Variants in ABL2 observed in about 807,000 individuals in gnomAD.
ABL2 encodes the protein ABL proto-oncogene 2, non-receptor tyrosine kinase.
In ABL2, 49 loss-of-function variants were observed where a neutral mutation model predicts 107.7. That is an observed-to-expected ratio of 0.45 (90% CI 0.36 to 0.58). ABL2 has a LOEUF of 0.58. Ranked by LOEUF, ABL2 falls within the 20% of genes least tolerant of loss-of-function variation. The pLI, the probability that ABL2 is intolerant of heterozygous loss-of-function variation, is 0.00. For missense variants in ABL2, 1,245 were observed against 1,457.0 expected (o/e 0.85, Z 2.37); for synonymous variants, 549 against 548.6 (o/e 1.00, Z -0.01).
chr1:179,158,462 T>A (rs1209830555), intron 1 of ABL2, among the ~76,000 whole-genome samples: 3 of 152,220 alleles, frequency 2.0e-5, no homozygotes, highest in Non-Finnish European at 2.9e-5. Context: ...GATTTGGAAT[T>A]CTGCCTCCTG....
intron 4 of ABL2, among the ~76,000 whole-genome samples, chr1:179,124,013 G>A (rs1035469944): frequency 3.3e-4 from 50 of 151,982 alleles, no homozygotes; most frequent in Non-Finnish European, 6.8e-4. Context: ...AGGCCAAGGC[G>A]GGTGGATCAC....
At chr1:179,215,074 C>T (rs532549735) in intron 1 of ABL2, among the ~76,000 whole-genome samples, 6 of 151,744 alleles carry the variant, frequency 4.0e-5, no homozygotes, top group African/African-American at 1.5e-4. Flanking sequence ...GCAGGAGAAT[C>T]GCTTGAACCC....
intron 1 of ABL2, among the ~76,000 whole-genome samples, chr1:179,193,362 CTT>C (rs774791259): frequency 3.5e-5 from 5 of 142,380 alleles, no homozygotes; most frequent in African/African-American, 2.6e-5. Flanking sequence ...TAAATGTCTG[CTT>C]TTTTTTTTTT....
At chr1:179,184,207 T>A (rs1242339348) in intron 1 of ABL2, 18 of 483,116 alleles carry the variant, frequency 3.7e-5, no homozygotes, top group Non-Finnish European at 6.1e-5. Flanking sequence ...AAAGTTGAAG[T>A]GACAGAATTT....
At chr1:179,183,639 C>A (rs956123529) in intron 1 of ABL2, 15 of 152,150 alleles carry the variant, frequency 9.9e-5, no homozygotes, top group African/African-American at 3.4e-4. Flanking sequence ...TTGTAGAGCA[C>A]TAAACCAGAA....
intron 1 of ABL2, among the ~76,000 whole-genome samples, chr1:179,227,284 G>A (rs1285334486): frequency 6.6e-6 from 1 of 152,180 alleles, no homozygotes; most frequent in Non-Finnish European, 1.5e-5. Flanking sequence ...CCAGGCAGGT[G>A]GAGCCAGAAC....
intron 1 of ABL2, among the ~76,000 whole-genome samples, chr1:179,187,942 T>C (rs1357178432): frequency 6.6e-6 from 1 of 152,180 alleles, no homozygotes; most frequent in Non-Finnish European, 1.5e-5. Context: ...CCTTATGATA[T>C]ACAAATCCTA....
chr1:179,192,112 G>A (rs1015976609), intron 1 of ABL2, among the ~76,000 whole-genome samples: 5 of 152,210 alleles, frequency 3.3e-5, no homozygotes, highest in African/African-American at 7.2e-5. Flanking sequence ...TCACTCCTTG[G>A]TTAGTCACGT....
chr1:179,110,868 T>G (rs750747218), intron 10 of ABL2: 45 of 1,613,796 alleles, frequency 2.8e-5, no homozygotes, highest in African/African-American at 4.0e-5. Flanking sequence ...AGGGTATACG[T>G]GTATTCAGGT....
At chr1:179,167,729 A>T (rs532489316) in intron 1 of ABL2, among the ~76,000 whole-genome samples, 111 of 152,326 alleles carry the variant, frequency 7.3e-4, no homozygotes, top group African/African-American at 2.5e-3. Flanking sequence ...TAAAAACAGA[A>T]ATACAGGCTG....
At chr1:179,128,441 C>T (rs1438711507) in intron 3 of ABL2, among the ~76,000 whole-genome samples, 1 of 151,980 alleles carries the variant, frequency 6.6e-6, no homozygotes, top group East Asian at 1.9e-4. Flanking sequence ...AATATTAGTA[C>T]TTTGTATATA....
At chr1:179,229,045 C>T (rs1035803153) in intron 1 of ABL2, among the ~76,000 whole-genome samples, 196 bp downstream of exon 1, 3 of 152,182 alleles carry the variant, frequency 2.0e-5, no homozygotes, top group African/African-American at 7.2e-5. Flanking sequence ...CGGGATCTGC[C>T]AGCCAGGCTA....
intron 1 of ABL2, among the ~76,000 whole-genome samples, chr1:179,141,630 T>C (rs1239046829): frequency 6.6e-6 from 1 of 152,214 alleles, no homozygotes; most frequent in East Asian, 1.9e-4. Context: ...TTATTCCCCA[T>C]TCCCCTTCTT....
At chr1:179,226,063 A>G (rs1232130771) in intron 1 of ABL2, among the ~76,000 whole-genome samples, 2 of 148,566 alleles carry the variant, frequency 1.3e-5, no homozygotes, top group East Asian at 2.0e-4. Context: ...AAAAAAAAAA[A>G]AAAAAAAGAA....
Position 179,186,880 on chromosome 1 carries a change from G to A in ABL2, c.157+42361C>T, listed in dbSNP as rs562818982. 1.6e-4 allele frequency among the ~76,000 whole-genome samples: 25 copies of A among 151,896 alleles called. No individual in the cohort carries two copies. In the East Asian group the frequency reaches 4.3e-3, roughly 26 times the overall value. On this transcript the variant is annotated intron_variant, in intron 1 of 11. Coordinates refer to ENST00000502732, the MANE Select transcript of ABL2 (RefSeq NM_007314.4). The stretch of plus-strand genomic sequence containing the variant: ...GCCTCCCAAGTAGCTGGGACCACAG[G>A]TGCATGCCACCATGCTTGGCTAATT...
rs553254452 is a variant in ABL2 at position 179,216,718 on chromosome 1, C to CT, written c.157+12522dup. 1.7e-3 allele frequency among the ~76,000 whole-genome samples: 248 copies of CT among 145,054 alleles called. 1 individual carries two copies. The highest frequency in any genetic ancestry group is 4.9e-3 in the East Asian group (24 of 4,918). On this transcript the variant is annotated intron_variant, in intron 1 of 11. Coordinates refer to ENST00000502732, the MANE Select transcript of ABL2 (RefSeq NM_007314.4). The stretch of plus-strand genomic sequence containing the variant: ...AATATATCATGTGGTTACACAGATT[C>CT]TTTTTTTTTTTTGGCTGGACTGCAG...
At position 179,100,134 on chromosome 1, in the gene ABL2, G is replaced by A. The variant is rs1652978886; in HGVS notation, c.*7584C>T. The A allele has an allele frequency of 4.3e-6, 1 of 230,986 alleles. No individual in the cohort carries two copies. The highest frequency in any genetic ancestry group is 1.8e-4 in the South Asian group (1 of 5,522). 14.3% of individuals were successfully genotyped at this position (230,986 alleles called of 1,614,324 possible). On this transcript the variant is annotated 3_prime_UTR_variant, in exon 12 of 12. Transcript: ENST00000502732. ...ATCTCATTGTTCCTTTCTAGTTTCT[G>A]AATACTGATTGACAATTGGCCTAAT...
At chr1:179,201,974 C>G in intron 1 of ABL2, 1 of 1,094,190 alleles carries the variant, frequency 9.1e-7, no homozygotes, top group Non-Finnish European at 1.1e-6. Flanking sequence ...TCTCAGGGGT[C>G]CGAGGAACAG....
At chr1:179,183,753 A>T (rs1324151961) in intron 1 of ABL2, 1 of 152,840 alleles carries the variant, frequency 6.5e-6, no homozygotes, top group Non-Finnish European at 1.5e-5. Flanking sequence ...AGGGGAAAAG[A>T]TCACTCTAAA....
Sources: allele counts gnomAD v4.1 joint callset (sites outside exome capture counted in the v4.1 genomes callset), GRCh38; gene constraint gnomAD v4.1.1; transcripts MANE v1.5; gene names NCBI Gene and HGNC (gene_info 2026-07-23, HGNC 2026-07-21).